The following PLCH2 variants were observed in gnomAD, a reference collection of about 807,000 sequenced individuals.
The protein encoded by PLCH2 is 1-phosphatidylinositol 4,5-bisphosphate phosphodiesterase eta-2.
PLCH2 carries 98 observed loss-of-function variants against 134.7 expected under a neutral mutation model. That is an observed-to-expected ratio of 0.73 (90% confidence interval 0.62 to 0.86). PLCH2 has a LOEUF of 0.86. PLCH2 is among the 40% of genes least tolerant of loss of function. PLCH2 has a pLI of 0.00. For synonymous variants in PLCH2, 974 were observed against 827.5 expected (o/e 1.18, Z -3.04); for missense variants, 1,994 against 1,986.6 (o/e 1.00, Z -0.07).
Position 2,498,968 on chromosome 1 carries a change from C to A in PLCH2, c.2435-116C>A. ...GCGCCCTCCCCTCTAGGTGGGCAGT[C>A]CCGGAAGCAGCACCGGGAGTGGCAC... is the stretch of plus-strand genomic sequence containing the variant. On this transcript the variant is annotated intron_variant, in intron 18 of 21. Transcript: ENST00000378486. This position sits in a 1 kb window ranked among gnomAD's most constrained non-coding sequence, Gnocchi z 5.4. 1 of 1,426,220 alleles carries A rather than the reference C, an allele frequency of 7.0e-7. No individual in the cohort carries two copies. Among genetic ancestry groups the A allele is most frequent in the South Asian group, 1.3e-5 (1 of 78,212 alleles). 88.3% of individuals were successfully genotyped at this position (1,426,220 alleles called of 1,614,324 possible).
intron 5 of PLCH2, among the ~76,000 whole-genome samples, chr1:2,486,223 TG>T (rs1272484749): frequency 6.6e-6 from 1 of 152,208 alleles, no homozygotes; most frequent in African/African-American, 2.4e-5. Flanking sequence ...TGGAACCCTC[TG>T]TGCACTCAGG....
At chr1:2,421,329 C>T (rs1052102184), upstream of PLCH2, among the ~76,000 whole-genome samples, 3 of 152,172 alleles carry the variant, frequency 2.0e-5, no homozygotes, top group Admixed American at 6.6e-5. Context: ...CAGGCTTGCA[C>T]GTGCTCACCA....
At chr1:2,422,184 G>A (rs566742695), upstream of PLCH2, among the ~76,000 whole-genome samples, 24 of 152,218 alleles carry the variant, frequency 1.6e-4, no homozygotes, top group Non-Finnish European at 1.8e-4. Context: ...CAGGAGAATC[G>A]CTTGAACCCA....
At chr1:2,454,543 C>T (rs912206951) in intron 2 of PLCH2, among the ~76,000 whole-genome samples, 7 of 152,132 alleles carry the variant, frequency 4.6e-5, no homozygotes, top group African/African-American at 1.4e-4. Context: ...CCGAGTGGAC[C>T]GTGTCCCTTT....
At position 2,434,423 on chromosome 1, in the gene PLCH2, G is replaced by A. The variant is rs1178885073; in HGVS notation, c.115+3794G>A. On this transcript the variant is annotated intron_variant, in intron 2 of 3. Coordinates refer to the PLCH2 transcript ENST00000609981. ...TCTGGCAGGGGCGTATTTCCCCCACGCACAGGTTCCTTATCTGTCTCCTCA... is the reference window on the plus strand; with the variant it reads ...TCTGGCAGGGGCGTATTTCCCCCACACACAGGTTCCTTATCTGTCTCCTCA... Among the ~76,000 whole-genome samples the A allele has an allele frequency of 3.3e-5, 5 of 152,214 alleles. No homozygotes were observed. In the East Asian group the frequency reaches 5.8e-4, roughly 18 times the overall value.
At chr1:2,422,114 C>T (rs1482115416), upstream of PLCH2, among the ~76,000 whole-genome samples, 1 of 152,104 alleles carries the variant, frequency 6.6e-6, no homozygotes, top group African/African-American at 2.4e-5. Flanking sequence ...ACTAAAAATA[C>T]AAAAATTAGC....
chr1:2,497,563 C>T lies in PLCH2; in HGVS notation c.2178C>T (p.Ala726=), dbSNP rs1188749939. ...MLQLNRAKFS[A]NGGCGYVLKP... ...AGCTGAACCGAGCCAAGTTCAGCGC[C>T]AACGGTGGCTGCGGCTACGTACTCA... The change falls in exon 16 of 22, where the codon GCC becomes GCT. Residue 726 remains alanine, a synonymous_variant. Transcript: ENST00000378486. 3 of 1,564,740 alleles carry T rather than the reference C, an allele frequency of 1.9e-6. No individual in the cohort carries two copies. Among genetic ancestry groups the T allele is most frequent in the Admixed American group, 1.9e-5 (1 of 53,232 alleles).
At chr1:2,455,416 C>T (rs1033959269) in intron 2 of PLCH2, among the ~76,000 whole-genome samples, 6 of 152,240 alleles carry the variant, frequency 3.9e-5, no homozygotes, top group Admixed American at 2.6e-4. Context: ...GCGGTTCACC[C>T]ACTGTTCCCA....
At chr1:2,483,787 G>GGGGGGGCGCTGACCCCCGTGTT (rs1642111149) in intron 4 of PLCH2, among the ~76,000 whole-genome samples, 1 of 145,348 alleles carries the variant, frequency 6.9e-6, no homozygotes, top group Non-Finnish European at 1.5e-5. Flanking sequence ...ACCCCCGTTT[G>GGGGGGGCGCTGACCCCCGTGTT]GGGGGGCGCT....
At chr1:2,462,101 C>G (rs1000075363) in intron 2 of PLCH2, among the ~76,000 whole-genome samples, 51 of 143,806 alleles carry the variant, frequency 3.5e-4, no homozygotes, top group Non-Finnish European at 6.9e-4. Context: ...CCACCTGACA[C>G]CCCCTCCGCC....
chr1:2,464,280 G>T (rs373684381), upstream of PLCH2, among the ~76,000 whole-genome samples: 3 of 152,178 alleles, frequency 2.0e-5, no homozygotes, highest in Non-Finnish European at 4.4e-5. Flanking sequence ...TGGTCTTCCC[G>T]ATGTGCATCT....
At position 2,489,112 on chromosome 1, in the gene PLCH2, C is replaced by A; in HGVS notation, c.1236-95C>A. On this transcript the variant is annotated intron_variant, in intron 8 of 21. Transcript: ENST00000378486. The stretch of plus-strand genomic sequence containing the variant: ...TTCCTGGTGAAGACCCCTCCTCATT[C>A]AATGGTTTAGATGACCTGGGATCTT... 4 of 1,155,960 alleles carry A rather than the reference C, an allele frequency of 3.5e-6. No individual in the cohort carries two copies. The South Asian group carries it at 4.3e-5, about 12-fold the overall frequency. 71.6% of individuals were successfully genotyped at this position (1,155,960 alleles called of 1,614,324 possible). A position where few individuals can be genotyped will look rare whatever the true frequency, so the allele number is the denominator to read the frequency against.
At chr1:2,436,143 C>T (rs1639339807) in intron 2 of PLCH2, among the ~76,000 whole-genome samples, 1 of 134,734 alleles carries the variant, frequency 7.4e-6, no homozygotes, top group Non-Finnish European at 1.6e-5. Flanking sequence ...CTCCCTCATC[C>T]CTTCCTCCCT....
intron 4 of PLCH2, among the ~76,000 whole-genome samples, chr1:2,484,071 G>C (rs548918233): frequency 3.9e-5 from 6 of 152,030 alleles, no homozygotes; most frequent in African/African-American, 1.4e-4. Context: ...GCTCCCGTGT[G>C]GGGGGTGTTG....
Position 2,495,455 on chromosome 1 carries a change from G to A in PLCH2, c.1753-33G>A, listed in dbSNP as rs368333023. 1.4e-4 allele frequency: 210 copies of A among 1,542,140 alleles called. No homozygotes were observed. In the East Asian group the frequency reaches 1.6e-3, roughly 12 times the overall value. On this transcript the variant is annotated intron_variant, in intron 12 of 21. Transcript: ENST00000378486. ...CGCCAAGGCCTGGCCTGGGCCAGAG[G>A]CCCTACAGCTCACACCTCTGCCCCC...
Position 2,439,894 on chromosome 1 carries a change from A to T in PLCH2, c.115+9265A>T, listed in dbSNP as rs536856065. Among the ~76,000 whole-genome samples the T allele has an allele frequency of 6.6e-6, 1 of 152,082 alleles. No individual in the cohort carries two copies. Among genetic ancestry groups the T allele is most frequent in the African/African-American group, 2.4e-5 (1 of 41,516 alleles). On this transcript the variant is annotated intron_variant, in intron 2 of 3. Transcript: ENST00000609981. The surrounding 1 kb of genome is among the most constrained non-coding windows in gnomAD (Gnocchi z 4.7). ...TGCCTGCAGGGACCTCATGATCTTA[A>T]TGTGAAGGGCAGACTCAAAATCAGG...
intron 4 of PLCH2, among the ~76,000 whole-genome samples, chr1:2,481,650 A>G (rs1171531552): frequency 6.6e-6 from 1 of 152,222 alleles, no homozygotes; most frequent in Non-Finnish European, 1.5e-5. Flanking sequence ...AAGCAGGGAC[A>G]GTCTGCAGGG....
In PLCH2 at chr1:2,498,288, A is replaced by G; in HGVS notation, c.2225-235A>G. 1 of 499,310 alleles carries G rather than the reference A, an allele frequency of 2.0e-6. No individual in the cohort carries two copies. Among genetic ancestry groups the G allele is most frequent in the Admixed American group, 3.6e-5 (1 of 27,732 alleles). The allele number at this position is 499,310 out of a possible 1,614,324, so 30.9% of individuals were successfully genotyped here. A position where few individuals can be genotyped will look rare whatever the true frequency, so the allele number is the denominator to read the frequency against. The stretch of plus-strand genomic sequence containing the variant: ...AGAAGCCATGTGACCTCCTCGGCTC[A>G]GCTGTGGGAGGCATGGGCTCTGTCC... On this transcript the variant is annotated intron_variant, in intron 16 of 21. Coordinates refer to ENST00000378486, the MANE Select transcript of PLCH2 (RefSeq NM_014638.4). This position sits in a 1 kb window ranked among gnomAD's most constrained non-coding sequence, Gnocchi z 5.4.
rs1639583260 is a variant in PLCH2, at chr1:2,439,364, T to G, written c.115+8735T>G. Among the ~76,000 whole-genome samples, 1 of 144,930 alleles carries G rather than the reference T, an allele frequency of 6.9e-6. No homozygotes were observed. Among genetic ancestry groups the G allele is most frequent in the Non-Finnish European group, 1.5e-5 (1 of 66,048 alleles). On this transcript the variant is annotated intron_variant, in intron 2 of 3. Coordinates refer to the PLCH2 transcript ENST00000609981. The surrounding 1 kb of genome is among the most constrained non-coding windows in gnomAD (Gnocchi z 4.7). ...CCACCCCAGTGCTGGCCAGACCTGG[T>G]CCCCGACCCCAGGGCTGCCCCCGGG...
Sources: gnomAD v4.1 joint callset for allele counts (sites outside exome capture counted in the v4.1 genomes callset) on GRCh38, gnomAD v4.1.1 for gene constraint, Gnocchi (gnomAD v3.1) non-coding constraint, MANE v1.5 for transcripts, NCBI Gene and HGNC (gene_info 2026-07-23, HGNC 2026-07-21) for gene names.